Variants in GJA8 observed in about 807,000 individuals in gnomAD.
The protein encoded by GJA8 is gap junction protein alpha 8, also known as gap junction alpha-8 protein.
GJA8 carries 13 observed loss-of-function variants against 15.3 expected under a neutral mutation model. The ratio of observed to expected loss-of-function variants is 0.85; its 90% CI spans 0.55 to 1.35. The LOEUF (loss-of-function observed/expected upper bound fraction) is 1.35. Among genes scored for constraint, GJA8 ranks in the 40% most tolerant of loss-of-function variants. GJA8 has a pLI of 0.00. For missense variants in GJA8, 607 were observed against 553.3 expected, an observed-to-expected ratio of 1.10 and a Z score of -0.97; for synonymous variants, 304 against 238.7, an observed-to-expected ratio of 1.27 and a Z score of -2.52.
rs1553242929 is a variant in GJA8 at position 147,908,948 on chromosome 1, G to A, written c.993G>A (p.Val331=). 6.2e-7 allele frequency: 1 copy of A among 1,607,084 alleles called. No individual in the cohort carries two copies. The highest frequency in any genetic ancestry group is 1.7e-5 in the Admixed American group (1 of 59,256). ...PSYAQVGAQE[V]EGEGPPAEEG... The stretch of plus-strand genomic sequence containing the variant: ...ACGCTCAGGTGGGGGCACAAGAAGT[G>A]GAGGGCGAGGGGCCGCCTGCAGAGG... Residue 331 remains valine (V), a synonymous_variant, in exon 2 of 2, where the codon GTG becomes GTA. Transcript: ENST00000369235.
At chr1:147,909,394 A>G, downstream of GJA8, 1 of 707,206 alleles carries the variant, frequency 1.4e-6, no homozygotes. Context: ...GCAGCAGGGC[A>G]GTGCACTCCA....
rs782817804 is a variant in GJA8, at chr1:147,908,982, G to A, written c.1027G>A (p.Glu343Lys). 7.2e-5 allele frequency: 115 copies of A among 1,596,588 alleles called. No individual in the cohort carries two copies. Among genetic ancestry groups the A allele is most frequent in the Non-Finnish European group, 9.3e-5 (109 of 1,170,346 alleles). Residue 343 changes from glutamate to lysine, a missense_variant, in exon 2 of 2, where the codon GAA (glutamate) becomes AAA (lysine). Coordinates refer to ENST00000369235, the MANE Select transcript of GJA8 (RefSeq NM_005267.5). Reference sequence around the variant, plus strand: ...GGGGCCGCCTGCAGAGGAGGGAGCCGAACCCGAGGTGGGAGAGAAGAAGGA... The same window carrying A: ...GGGGCCGCCTGCAGAGGAGGGAGCCAAACCCGAGGTGGGAGAGAAGAAGGA... Reference protein sequence around the residue: ...GEGPPAEEGAEPEVGEKKEEA... With the variant: ...GEGPPAEEGAKPEVGEKKEEA...
downstream of GJA8, chr1:147,909,296 C>G (rs782659121): frequency 1.2e-5 from 16 of 1,376,104 alleles, no homozygotes; most frequent in East Asian, 2.3e-5. Flanking sequence ...CCCAAGCTTA[C>G]GTAGGGCAAG....
downstream of GJA8, among the ~76,000 whole-genome samples, chr1:147,909,711 G>A (rs1553243209): frequency 6.6e-6 from 1 of 152,184 alleles, no homozygotes; most frequent in Non-Finnish European, 1.5e-5. Flanking sequence ...ACAGAATACA[G>A]ACAGGTGACA....
At chr1:147,910,239 A>G (rs1652057244), downstream of GJA8, among the ~76,000 whole-genome samples, 1 of 152,242 alleles carries the variant, frequency 6.6e-6, no homozygotes, top group Non-Finnish European at 1.5e-5. Context: ...TGTGGACCAA[A>G]TGAAATATGT....
chr1:147,914,066 G>A (rs1162557651), downstream of GJA8, among the ~76,000 whole-genome samples: 6 of 152,166 alleles, frequency 3.9e-5, no homozygotes, highest in African/African-American at 1.4e-4. Flanking sequence ...CACTGCCCTA[G>A]ACATTGCAGC....
intron 1 of GJA8, among the ~76,000 whole-genome samples, chr1:147,907,572 C>T (rs782544214): frequency 7.9e-5 from 12 of 152,224 alleles, no homozygotes; most frequent in Non-Finnish European, 7.4e-5. Flanking sequence ...AGTGTGTGGT[C>T]TTGATTTAAA....
downstream of GJA8, among the ~76,000 whole-genome samples, chr1:147,913,066 G>A (rs1311194831): frequency 6.6e-6 from 1 of 152,094 alleles, no homozygotes; most frequent in African/African-American, 2.4e-5. Flanking sequence ...CAAGTCAGGG[G>A]TGTTGATTGC....
chr1:147,908,240 C>G lies in GJA8; in HGVS notation c.285C>G (p.His95Gln). Reference sequence around the variant, plus strand: ...CCCCGTCCCTGATGTACGTGGGGCACGCGGTGCACTACGTCCGCATGGAGG... The same window carrying G: ...CCCCGTCCCTGATGTACGTGGGGCAGGCGGTGCACTACGTCCGCATGGAGG... ...VSTPSLMYVG[H>Q]AVHYVRMEEK... Residue 95 changes from histidine to glutamine, a missense_variant, in exon 2 of 2, where the codon CAC (histidine) becomes CAG (glutamine). Coordinates refer to ENST00000369235, the MANE Select transcript of GJA8 (RefSeq NM_005267.5). 1 of 1,614,208 alleles carries G rather than the reference C, an allele frequency of 6.2e-7. No individual in the cohort carries two copies. Among genetic ancestry groups the G allele is most frequent in the Non-Finnish European group, 8.5e-7 (1 of 1,180,034 alleles).
In GJA8 at chr1:147,909,219, G is replaced by A; in HGVS notation, c.1264G>A (p.Ala422Thr). ...CAGACCCCTGAGCAGGCTAAGCAAA[G>A]CCAGCAGCCGAGCCAGGTCAGACGA... Reference protein sequence around the residue: ...DARPLSRLSKASSRARSDDLT... With the variant: ...DARPLSRLSKTSSRARSDDLT... Residue 422 changes from alanine (A) to threonine (T), a missense_variant, in exon 2 of 2, where the codon GCC (alanine) becomes ACC (threonine). Physicochemically the swap from Ala to Thr is moderately conservative, Grantham distance 58. Transcript: ENST00000369235. The A allele has an allele frequency of 6.6e-7, 1 of 1,509,586 alleles. No individual in the cohort carries two copies. 93.5% of individuals were successfully genotyped at this position (1,509,586 alleles called of 1,614,324 possible). A position where few individuals can be genotyped will look rare whatever the true frequency, so the allele number is the denominator to read the frequency against.
At position 147,909,043 on chromosome 1, in the gene GJA8, A is replaced by C; in HGVS notation, c.1088A>C (p.Lys363Thr). ...AGGCTGACCACGGAGGAGCAGGAGA[A>C]GGTGGCCGTGCCAGAGGGGGAGAAA... ...AERLTTEEQE[K>T]VAVPEGEKVE... is the part of the protein sequence containing the mutation. Residue 363 changes from lysine to threonine, a missense_variant, in exon 2 of 2, where the codon AAG becomes ACG. Physicochemically the swap from Lys to Thr is moderately conservative, Grantham distance 78. Coordinates refer to ENST00000369235, the MANE Select transcript of GJA8 (RefSeq NM_005267.5). 6.3e-7 allele frequency: 1 copy of C among 1,599,870 alleles called. No homozygotes were observed. Among genetic ancestry groups the C allele is most frequent in the Non-Finnish European group, 8.5e-7 (1 of 1,172,930 alleles).
rs782198746 is a variant in GJA8, at chr1:147,908,942, A to G, written c.987A>G (p.Gln329=). 1 of 1,609,214 alleles carries G rather than the reference A, an allele frequency of 6.2e-7. No individual in the cohort carries two copies. The highest frequency in any genetic ancestry group is 2.2e-5 in the East Asian group (1 of 44,774). Reference sequence around the variant, plus strand: ...CTTCCTACGCTCAGGTGGGGGCACAAGAAGTGGAGGGCGAGGGGCCGCCTG... The same window carrying G: ...CTTCCTACGCTCAGGTGGGGGCACAGGAAGTGGAGGGCGAGGGGCCGCCTG... ...TLPSYAQVGA[Q]EVEGEGPPAE... The change falls in exon 2 of 2, where the codon CAA becomes CAG. Residue 329 remains glutamine (Q), a synonymous_variant. Transcript: ENST00000369235.
downstream of GJA8, among the ~76,000 whole-genome samples, chr1:147,914,169 T>C (rs2149018724): frequency 6.6e-6 from 1 of 152,288 alleles, no homozygotes; most frequent in East Asian, 1.9e-4. Flanking sequence ...TCCCATAGTC[T>C]CCAACGCCAC....
At chr1:147,911,950 A>G (rs587666699), downstream of GJA8, among the ~76,000 whole-genome samples, 3 of 152,312 alleles carry the variant, frequency 2.0e-5, no homozygotes, top group South Asian at 6.2e-4. Flanking sequence ...TGCTTCAATG[A>G]ACGTACCCAC....
At chr1:147,910,550 T>G (rs1425643744), downstream of GJA8, among the ~76,000 whole-genome samples, 1 of 152,218 alleles carries the variant, frequency 6.6e-6, no homozygotes, top group Non-Finnish European at 1.5e-5. Context: ...TTGCCAAAAC[T>G]CTCTCTGTGA....
rs782620419 is a variant in GJA8 at position 147,908,817 on chromosome 1, G to A, written c.862G>A (p.Glu288Lys). Residue 288 changes from glutamate (E) to lysine (K), a missense_variant, in exon 2 of 2, where the codon GAG (glutamate) becomes AAG (lysine). Transcript: ENST00000369235. The stretch of plus-strand genomic sequence containing the variant: ...CCCCTTGACCGAGGTTGGGATGGTG[G>A]AGACCAGCCCACTGCCTGCCAAGCC... Reference protein sequence around the residue: ...YFPLTEVGMVETSPLPAKPFN... With the variant: ...YFPLTEVGMVKTSPLPAKPFN... 3.1e-6 allele frequency: 5 copies of A among 1,614,050 alleles called. No homozygotes were observed. In the African/African-American group the frequency reaches 4.0e-5, roughly 13 times the overall value.
chr1:147,906,074 G>A (rs1418081851), intron 1 of GJA8, among the ~76,000 whole-genome samples: 3 of 152,246 alleles, frequency 2.0e-5, no homozygotes, highest in African/African-American at 7.2e-5. Context: ...GTTCTGTCTG[G>A]CCAGACTCCA....
chr1:147,914,043 A>T (rs1359250266), downstream of GJA8, among the ~76,000 whole-genome samples: 17 of 152,212 alleles, frequency 1.1e-4, no homozygotes, highest in African/African-American at 4.1e-4. Context: ...TTTATGAAAG[A>T]CAGTTCACTC....
At chr1:147,911,801 A>G (rs1652170138), downstream of GJA8, among the ~76,000 whole-genome samples, 1 of 152,232 alleles carries the variant, frequency 6.6e-6, no homozygotes, top group African/African-American at 2.4e-5. Context: ...AATACAAAAA[A>G]GAAAAAGAAA....
Sources: gnomAD v4.1 joint callset for allele counts (sites outside exome capture counted in the v4.1 genomes callset) on GRCh38, gnomAD v4.1.1 for gene constraint, MANE v1.5 for transcripts, NCBI Gene and HGNC (gene_info 2026-07-23, HGNC 2026-07-21) for gene names.